Variants in NEXMIF observed in about 807,000 individuals in gnomAD.
The protein encoded by NEXMIF is neurite extension and migration factor.
A neutral mutation model predicts 62.1 loss-of-function variants in NEXMIF; 8 were observed. The ratio of observed to expected loss-of-function variants is 0.13; its 90% CI spans 0.08 to 0.23. The LOEUF (loss-of-function observed/expected upper bound fraction) is 0.23, where lower values mean the gene tolerates loss of function less well. Among genes scored for constraint, NEXMIF ranks in the 10% least tolerant of loss-of-function variants. The pLI is 1.00. For synonymous variants in NEXMIF, 404 were observed against 416.6 expected (o/e 0.97, Z 0.37); for missense variants, 976 against 1,113.3 (o/e 0.88, Z 1.75).
intron 1 of NEXMIF, among the ~76,000 whole-genome samples, chrX:74,871,914 G>A (rs151041844): frequency 0.021 from 2,307 of 111,069 alleles, 73 homozygotes; most frequent in Admixed American, 0.12. Flanking sequence ...TACAGTTAAC[G>A]CAATCATTAC....
chrX:74,909,231 G>C (rs1224826647), intron 1 of NEXMIF, among the ~76,000 whole-genome samples: 4 of 111,656 alleles, frequency 3.6e-5, no homozygotes, highest in Non-Finnish European at 7.5e-5. Context: ...ACCTCCTAGA[G>C]ACTTGTTGAA....
At chrX:74,787,814 T>C (rs1298874139) in intron 1 of NEXMIF, among the ~76,000 whole-genome samples, 1 of 112,084 alleles carries the variant, frequency 8.9e-6, no homozygotes, top group Non-Finnish European at 1.9e-5. Context: ...GTTTTGATGA[T>C]TATTGGTTTC....
intron 1 of NEXMIF, among the ~76,000 whole-genome samples, chrX:74,746,609 T>C (rs975609764): frequency 3.6e-5 from 4 of 112,200 alleles, no homozygotes; most frequent in African/African-American, 9.7e-5. Context: ...AGAATCTCAA[T>C]TGTATAGTCA....
chrX:74,878,199 C>G (rs1275877646), intron 1 of NEXMIF, among the ~76,000 whole-genome samples: 2 of 111,297 alleles, frequency 1.8e-5, no homozygotes, highest in Non-Finnish European at 3.8e-5. Flanking sequence ...GTTAGTTTTC[C>G]TTCTAACAGA....
At chrX:74,850,335 C>T (rs1232176380) in intron 1 of NEXMIF, among the ~76,000 whole-genome samples, 1 of 112,315 alleles carries the variant, frequency 8.9e-6, no homozygotes, top group East Asian at 2.8e-4. Context: ...TGCCATCACT[C>T]TTTCCAAGCC....
chrX:74,861,362 C>T (rs1046423210), intron 1 of NEXMIF, among the ~76,000 whole-genome samples: 3 of 111,579 alleles, frequency 2.7e-5, no homozygotes, highest in East Asian at 2.8e-4. Context: ...ACTGAACTTA[C>T]GACTAATTGG....
intron 1 of NEXMIF, among the ~76,000 whole-genome samples, chrX:74,857,896 G>A (rs1364553790): frequency 8.9e-6 from 1 of 112,109 alleles, no homozygotes; most frequent in African/African-American, 3.2e-5. Flanking sequence ...GGCCTGTGCT[G>A]GTGGAAGCCA....
chrX:74,750,145 T>A (rs539642398), intron 1 of NEXMIF, among the ~76,000 whole-genome samples: 2 of 110,950 alleles, frequency 1.8e-5, no homozygotes, highest in South Asian at 7.7e-4. Context: ...AAGATTAGAA[T>A]TCAGGAGGAG....
chrX:74,732,898 A>G lies in NEXMIF; in HGVS notation c.*6507T>C, dbSNP rs2080075943. The G allele has an allele frequency of 8.9e-6, 1 of 111,846 alleles. No homozygotes were observed. The highest frequency in any genetic ancestry group is 3.2e-5 in the African/African-American group (1 of 30,778). The allele number at this position is 111,846 out of a possible 1,213,427, so 9.2% of individuals were successfully genotyped here. A position where few individuals can be genotyped will look rare whatever the true frequency, so the allele number is the denominator to read the frequency against. ...TTTATTACTTTCAATAAACAGCTTT[A>G]ACACTTTGAGAGGACTGCATCTCTG... On this transcript the variant is annotated 3_prime_UTR_variant, in exon 4 of 4. Coordinates refer to ENST00000055682, the MANE Select transcript of NEXMIF (RefSeq NM_001008537.3).
At chrX:74,765,539 G>A (rs987007601) in intron 1 of NEXMIF, among the ~76,000 whole-genome samples, 1 of 111,829 alleles carries the variant, frequency 8.9e-6, no homozygotes, top group African/African-American at 3.3e-5. Context: ...GTGTACTTAA[G>A]TTTGTTTACG....
intron 1 of NEXMIF, among the ~76,000 whole-genome samples, chrX:74,798,964 TAA>T (rs1297637037): frequency 6.7e-5 from 6 of 89,052 alleles, no homozygotes; most frequent in Non-Finnish European, 2.3e-5. Context: ...AGGAATAAAG[TAA>T]AAAAAAAAAA....
chrX:74,796,676 A>C (rs1301946101), intron 1 of NEXMIF, among the ~76,000 whole-genome samples: 1 of 111,173 alleles, frequency 9.0e-6, no homozygotes, highest in African/African-American at 3.3e-5. Flanking sequence ...GGAGCATTTG[A>C]GTAACAAAAT....
intron 1 of NEXMIF, among the ~76,000 whole-genome samples, chrX:74,764,822 T>G (rs1271846645): frequency 8.9e-6 from 1 of 111,868 alleles, no homozygotes; most frequent in Non-Finnish European, 1.9e-5. Flanking sequence ...TTGCCTTTGT[T>G]GAGGATTGTT....
intron 1 of NEXMIF, among the ~76,000 whole-genome samples, chrX:74,806,817 A>C (rs1054956347): frequency 8.9e-6 from 1 of 112,630 alleles, no homozygotes; most frequent in Non-Finnish European, 1.9e-5. Flanking sequence ...TATTTGTTGA[A>C]AAGTCTATCT....
intron 1 of NEXMIF, among the ~76,000 whole-genome samples, chrX:74,753,288 T>A (rs905801068): frequency 1.8e-5 from 2 of 111,947 alleles, no homozygotes; most frequent in Non-Finnish European, 1.9e-5. Flanking sequence ...TGGAAGATAG[T>A]CTCATCCCAA....
At chrX:74,852,576 C>G (rs1292936850) in intron 1 of NEXMIF, among the ~76,000 whole-genome samples, 1 of 111,875 alleles carries the variant, frequency 8.9e-6, no homozygotes, top group Non-Finnish European at 1.9e-5. Context: ...CAAATCTCAA[C>G]AGTTTTTAAA....
chrX:74,823,753 CTG>C (rs1423174325), intron 1 of NEXMIF, among the ~76,000 whole-genome samples: 2 of 109,792 alleles, frequency 1.8e-5, no homozygotes, highest in Non-Finnish European at 1.9e-5. Flanking sequence ...AAAATGAACA[CTG>C]TGTAAGACTA....
Position 74,733,338 on chromosome X carries a change from A to G in NEXMIF, c.*6067T>C, listed in dbSNP as rs772030896. 7 of 111,968 alleles carry G rather than the reference A, an allele frequency of 6.3e-5. No individual in the cohort carries two copies. Among genetic ancestry groups the G allele is most frequent in the Non-Finnish European group, 9.4e-5 (5 of 53,186 alleles). The allele number at this position is 111,968 out of a possible 1,213,427, so 9.2% of individuals were successfully genotyped here. ...CTCGAAATGTAATTTTACATGTTAA[A>G]TCTAATACATTTGGGCTTTTATTTT... On this transcript the variant is annotated 3_prime_UTR_variant, in exon 4 of 4. Transcript: ENST00000055682.
intron 1 of NEXMIF, among the ~76,000 whole-genome samples, chrX:74,869,321 G>A (rs1054894868): frequency 5.4e-5 from 6 of 111,020 alleles, no homozygotes; most frequent in South Asian, 3.7e-4. Flanking sequence ...AGGAACATAT[G>A]TCAAAATAAT....
Sources: allele counts gnomAD v4.1 joint callset (sites outside exome capture counted in the v4.1 genomes callset), GRCh38; gene constraint gnomAD v4.1.1; transcripts MANE v1.5; gene names NCBI Gene and HGNC (gene_info 2026-07-23, HGNC 2026-07-21).